Variants in QTMAN observed in about 807,000 individuals in gnomAD.
QTMAN encodes tRNA-queuosine alpha-mannosyltransferase.
At chr2:143,938,220 G>GA in the QTMAN span, 10 of 152,058 alleles carry the variant, frequency 6.6e-5, no homozygotes, top group Non-Finnish European at 1.5e-4. Flanking sequence ...GGCTCAAATG[G>GA]AAAAAGGAGA....
At chr2:144,193,454 CATAT>C in the QTMAN span, among the ~76,000 whole-genome samples, 1 of 147,508 alleles carries the variant, frequency 6.8e-6, no homozygotes, top group Non-Finnish European at 1.5e-5. Flanking sequence ...ATATATAATG[CATAT>C]ATATGTTATG....
the QTMAN span, among the ~76,000 whole-genome samples, chr2:144,186,661 G>C: frequency 1.3e-5 from 2 of 152,144 alleles, no homozygotes; most frequent in African/African-American, 4.8e-5. Context: ...TTTGCCTTCA[G>C]TGGTAAGAGA....
the QTMAN span, among the ~76,000 whole-genome samples, chr2:144,290,096 C>A: frequency 6.6e-6 from 1 of 152,112 alleles, no homozygotes; most frequent in Non-Finnish European, 1.5e-5. Flanking sequence ...TACCTCACTT[C>A]CGTTTTCTTT....
the QTMAN span, among the ~76,000 whole-genome samples, chr2:144,013,699 GA>G: frequency 4.6e-5 from 7 of 152,230 alleles, no homozygotes; most frequent in African/African-American, 1.4e-4. Context: ...AAGGAAAATA[GA>G]AATTAAAATA....
At chr2:144,215,071 T>A in the QTMAN span, among the ~76,000 whole-genome samples, 1 of 151,850 alleles carries the variant, frequency 6.6e-6, no homozygotes, top group African/African-American at 2.4e-5. Context: ...TGAGGCTCCA[T>A]CTCTACAAAA....
At chr2:144,226,718 G>C in the QTMAN span, among the ~76,000 whole-genome samples, 1 of 152,072 alleles carries the variant, frequency 6.6e-6, no homozygotes. Context: ...TGAAAAGAGA[G>C]GAATTTATTA....
At chr2:143,959,196 AT>A in the QTMAN span, among the ~76,000 whole-genome samples, 2 of 152,078 alleles carry the variant, frequency 1.3e-5, no homozygotes, top group Admixed American at 1.3e-4. Flanking sequence ...ATTTTCTGTT[AT>A]ATTTTTCAGT....
At chr2:144,176,167 C>T in the QTMAN span, among the ~76,000 whole-genome samples, 6 of 152,108 alleles carry the variant, frequency 3.9e-5, no homozygotes, top group African/African-American at 1.4e-4. Flanking sequence ...ACATCATAAA[C>T]AAGTTATCCT....
chr2:144,131,729 C>T, the QTMAN span, among the ~76,000 whole-genome samples: 1 of 151,976 alleles, frequency 6.6e-6, no homozygotes, highest in Non-Finnish European at 1.5e-5. Flanking sequence ...CACCTCCATT[C>T]CCTAACAGCA....
At chr2:144,251,115 C>A in the QTMAN span, among the ~76,000 whole-genome samples, 3 of 151,838 alleles carry the variant, frequency 2.0e-5, no homozygotes, top group Non-Finnish European at 4.4e-5. Context: ...TTACCATTTT[C>A]TTTATTTCCA....
chr2:144,133,143 AT>A, the QTMAN span, among the ~76,000 whole-genome samples: 663 of 62,586 alleles, frequency 0.011, 20 homozygotes, highest in East Asian at 0.056. Context: ...ATATATATAT[AT>A]ATATATAATA....
At chr2:144,163,252 C>T in the QTMAN span, among the ~76,000 whole-genome samples, 1 of 151,544 alleles carries the variant, frequency 6.6e-6, no homozygotes, top group African/African-American at 2.4e-5. Flanking sequence ...TATTTTATCT[C>T]CAAAGTTCTA....
the QTMAN span, among the ~76,000 whole-genome samples, chr2:144,104,636 C>T: frequency 6.6e-6 from 1 of 152,200 alleles, no homozygotes; most frequent in African/African-American, 2.4e-5. Flanking sequence ...GAGCCCAAGG[C>T]AGCTCAAGGA....
At chr2:144,284,726 T>C in the QTMAN span, among the ~76,000 whole-genome samples, 10 of 152,250 alleles carry the variant, frequency 6.6e-5, no homozygotes, top group East Asian at 1.9e-3. Context: ...CTTTGAAACA[T>C]TCATTTCCGT....
chr2:143,993,724 G>T, the QTMAN span, among the ~76,000 whole-genome samples: 1 of 152,122 alleles, frequency 6.6e-6, no homozygotes, highest in Admixed American at 6.5e-5. Flanking sequence ...AACTGTAAGA[G>T]AACAAATTTC....
At chr2:144,137,242 C>T in the QTMAN span, among the ~76,000 whole-genome samples, 1 of 152,098 alleles carries the variant, frequency 6.6e-6, no homozygotes, top group South Asian at 2.1e-4. Context: ...TTACTGATTA[C>T]CATTTAATCT....
At chr2:144,113,018 G>A in the QTMAN span, among the ~76,000 whole-genome samples, 1 of 152,032 alleles carries the variant, frequency 6.6e-6, no homozygotes, top group African/African-American at 2.4e-5. Flanking sequence ...ATTTAAGTAG[G>A]ATCCAGAGTC....
the QTMAN span, among the ~76,000 whole-genome samples, chr2:144,110,691 A>ACC: frequency 0.013 from 1,819 of 139,000 alleles, 47 homozygotes; most frequent in African/African-American, 0.045. Context: ...CCCCCCCCAA[A>ACC]AAAAAAAAAC....
At chr2:144,266,538 C>T in the QTMAN span, among the ~76,000 whole-genome samples, 1 of 152,156 alleles carries the variant, frequency 6.6e-6, no homozygotes, top group Non-Finnish European at 1.5e-5. Flanking sequence ...AGACATTGTA[C>T]CAATCGATAG....
Sources: allele counts gnomAD v4.1 joint callset (sites outside exome capture counted in the v4.1 genomes callset), GRCh38; gene constraint gnomAD v4.1.1; transcripts MANE v1.5; gene names NCBI Gene and HGNC (gene_info 2026-07-23, HGNC 2026-07-21).